CREM: variants seen among roughly 807,000 people sequenced by gnomAD.
CREM encodes the protein cAMP responsive element modulator, also known as cAMP-responsive element modulator.
A neutral mutation model predicts 37.3 loss-of-function variants in CREM; 13 were observed. That is an observed-to-expected ratio of 0.35 (90% CI 0.23 to 0.55). The LOEUF (loss-of-function observed/expected upper bound fraction) is 0.55, where lower values mean the gene tolerates loss of function less well. Among genes scored for constraint, CREM ranks in the 20% least tolerant of loss-of-function variants. The probability of loss-of-function intolerance (pLI) is 0.88; values close to 1 mark genes in which losing one functional copy is unlikely to be tolerated. For synonymous variants in CREM, 124 were observed against 120.2 expected, an observed-to-expected ratio of 1.03 and a Z score of -0.21; for missense variants, 296 against 362.3, an observed-to-expected ratio of 0.82 and a Z score of 1.49.
chr10:35,165,869 TTTTAA>T (rs2093525326), intron 3 of CREM, among the ~76,000 whole-genome samples: 3 of 152,082 alleles, frequency 2.0e-5, no homozygotes, highest in Non-Finnish European at 4.4e-5. Flanking sequence ...AGAACCCTAA[TTTTAA>T]TTTAAGTGCT....
At chr10:35,155,663 C>T (rs778477975) in intron 3 of CREM, among the ~76,000 whole-genome samples, 1 of 149,484 alleles carries the variant, frequency 6.7e-6, no homozygotes, top group Non-Finnish European at 1.5e-5. Flanking sequence ...GAGTCTCGCT[C>T]TGTCACCTAG....
In CREM at chr10:35,137,770, A is replaced by T; in HGVS notation, c.-54-12A>T. On this transcript the variant is annotated splice_polypyrimidine_tract_variant and intron_variant, in intron 1 of 7. Coordinates refer to ENST00000685392, the MANE Select transcript of CREM (RefSeq NM_183011.2). ...TACGATCTCCCAATTCAACATTATA[A>T]TTTTACTGCAGGATAAATAAAGAAA... is the stretch of plus-strand genomic sequence containing the variant. 1 of 1,283,252 alleles carries T rather than the reference A, an allele frequency of 7.8e-7. No individual in the cohort carries two copies. The highest frequency in any genetic ancestry group is 1.1e-6 in the Non-Finnish European group (1 of 932,458). 79.5% of individuals were successfully genotyped at this position (1,283,252 alleles called of 1,614,324 possible). A position where few individuals can be genotyped will look rare whatever the true frequency, so the allele number is the denominator to read the frequency against.
At chr10:35,164,512 A>C (rs539884521) in intron 3 of CREM, among the ~76,000 whole-genome samples, 1 of 152,216 alleles carries the variant, frequency 6.6e-6, no homozygotes, top group African/African-American at 2.4e-5. Flanking sequence ...TTCTTAATTT[A>C]GGTACTTTAG....
chr10:35,148,474 A>C lies in CREM; in HGVS notation c.151A>C (p.Ile51Leu). The C allele has an allele frequency of 1.2e-6, 2 of 1,612,292 alleles. No homozygotes were observed. Among genetic ancestry groups the C allele is most frequent in the Non-Finnish European group, 1.7e-6 (2 of 1,179,262 alleles). The change falls in exon 3 of 8, where the codon ATC becomes CTC. Residue 51 changes from isoleucine to leucine, a missense_variant. This residue lies in a region of CREM where 257 missense variants were observed against 280.2 expected (regional missense o/e 0.92). Coordinates refer to ENST00000685392, the MANE Select transcript of CREM (RefSeq NM_183011.2). ...HVQTQTGQNSIPALAQVAAIA... is the reference protein window; with the variant it reads ...HVQTQTGQNSLPALAQVAAIA... ...GCAGACTCAGACTGGCCAAAATTCA[A>C]TCCCTGCTTTAGCTCAGGTAGGCAA...
chr10:35,136,825 AAAGAGTTTAGGTCTGTG>A (rs2090610728), intron 1 of CREM, among the ~76,000 whole-genome samples: 3 of 151,070 alleles, frequency 2.0e-5, no homozygotes, highest in Non-Finnish European at 4.4e-5. Flanking sequence ...CTCTGTCTCA[AAAGAGTTTAGGTCTGTG>A]AATGGTCTTG....
chr10:35,158,824 T>G (rs1398797117), intron 3 of CREM, among the ~76,000 whole-genome samples: 10 of 148,964 alleles, frequency 6.7e-5, no homozygotes, highest in African/African-American at 1.7e-4. Context: ...TTTGTTTGTT[T>G]TTTTTTTTTT....
intron 2 of CREM, among the ~76,000 whole-genome samples, chr10:35,143,563 T>C (rs944741079): frequency 1.3e-5 from 2 of 152,216 alleles, no homozygotes; most frequent in African/African-American, 4.8e-5. Flanking sequence ...GTCATTGATC[T>C]GAGGCATCTG....
Position 35,176,115 on chromosome 10 carries a change from T to G in CREM, c.169-2774T>G. 3 of 1,378,330 alleles carry G rather than the reference T, an allele frequency of 2.2e-6. No individual in the cohort carries two copies. The South Asian group carries it at 4.6e-5, about 21-fold the overall frequency. 85.4% of individuals were successfully genotyped at this position (1,378,330 alleles called of 1,614,324 possible). ...AGTGCTTATACGCAAATCTTTTTATTAGATATTTGGAGGAATCTCTTCTCC... is the reference window on the plus strand; with the variant it reads ...AGTGCTTATACGCAAATCTTTTTATGAGATATTTGGAGGAATCTCTTCTCC... On this transcript the variant is annotated intron_variant, in intron 3 of 7. Coordinates refer to ENST00000685392, the MANE Select transcript of CREM (RefSeq NM_183011.2).
chr10:35,148,100 G>A (rs533494273), intron 2 of CREM, among the ~76,000 whole-genome samples: 3 of 152,250 alleles, frequency 2.0e-5, no homozygotes, highest in East Asian at 3.9e-4. Context: ...GTCTAGACAC[G>A]AGATTCATTT....
chr10:35,154,179 TTC>T (rs2092759564), intron 3 of CREM: 1 of 398,080 alleles, frequency 2.5e-6, no homozygotes, highest in South Asian at 1.3e-4. Flanking sequence ...GTTGTAAATT[TTC>T]TTTTTTAATC....
At chr10:35,181,795 C>G (rs928093423) in intron 5 of CREM, among the ~76,000 whole-genome samples, 8 of 152,138 alleles carry the variant, frequency 5.3e-5, no homozygotes, top group African/African-American at 1.9e-4. Context: ...ATTCTCTGAG[C>G]CCAGGAGTTT....
At chr10:35,175,765 C>A in intron 3 of CREM, 1 of 1,613,906 alleles carries the variant, frequency 6.2e-7, no homozygotes, top group South Asian at 1.1e-5. Context: ...GTAGGCCAGT[C>A]ATATTAGTGA....
chr10:35,196,077 G>A (rs769795327), intron 6 of CREM: 35 of 1,614,184 alleles, frequency 2.2e-5, no homozygotes, highest in Non-Finnish European at 3.0e-5. Context: ...ACAGAACTCA[G>A]GAGTTGTCTG....
intron 6 of CREM, among the ~76,000 whole-genome samples, chr10:35,203,094 G>T (rs1046813668): frequency 1.9e-4 from 28 of 150,592 alleles, no homozygotes; most frequent in African/African-American, 6.9e-4. Context: ...TTACTCTGTC[G>T]CTCAGGCTGG....
chr10:35,173,945 A>G (rs191738716), intron 3 of CREM, among the ~76,000 whole-genome samples: 140 of 152,370 alleles, frequency 9.2e-4, no homozygotes, highest in African/African-American at 3.0e-3. Flanking sequence ...GTTAGTCACT[A>G]TAGAGGTGTA....
At chr10:35,154,422 T>C (rs553510960) in intron 3 of CREM, 6 of 207,740 alleles carry the variant, frequency 2.9e-5, no homozygotes, top group African/African-American at 6.9e-5. Context: ...TAATTTCAGC[T>C]AAGTAGATCT....
At chr10:35,156,541 T>C (rs923090270) in intron 3 of CREM, among the ~76,000 whole-genome samples, 6 of 152,226 alleles carry the variant, frequency 3.9e-5, no homozygotes, top group African/African-American at 4.8e-5. Context: ...TGAGCCACTA[T>C]GTTCAGCCAG....
intron 1 of CREM, among the ~76,000 whole-genome samples, chr10:35,130,590 A>G (rs149821608): frequency 2.0e-5 from 3 of 152,318 alleles, no homozygotes; most frequent in East Asian, 1.9e-4. Flanking sequence ...CCTGTTACCT[A>G]GTTATGTCCT....
intron 5 of CREM, among the ~76,000 whole-genome samples, chr10:35,187,802 G>A (rs2094714814): frequency 6.6e-6 from 1 of 152,106 alleles, no homozygotes; most frequent in African/African-American, 2.4e-5. Context: ...ACCACACCTG[G>A]CCTTAAATGG....
Sources: gnomAD v4.1 joint callset for allele counts (sites outside exome capture counted in the v4.1 genomes callset) on GRCh38, gnomAD v4.1.1 for gene constraint, gnomAD v4.1.1 regional missense constraint, MANE v1.5 for transcripts, NCBI Gene and HGNC (gene_info 2026-07-23, HGNC 2026-07-21) for gene names.